The following LRP2 variants were observed in gnomAD, a reference collection of about 807,000 sequenced individuals.
LRP2 encodes the protein low-density lipoprotein receptor-related protein 2.
A neutral mutation model predicts 531.0 loss-of-function variants in LRP2; 172 were observed. That is an observed-to-expected ratio of 0.32 (90% CI 0.29 to 0.37). The LOEUF (loss-of-function observed/expected upper bound fraction) is 0.37. Ranked by LOEUF, LRP2 falls within the 10% of genes least tolerant of loss-of-function variation. LRP2 has a pLI of 1.00. For missense variants in LRP2, 5,167 were observed against 5,868.3 expected (o/e 0.88, Z 3.90); for synonymous variants, 1,992 against 2,027.6 (o/e 0.98, Z 0.47).
intron 46 of LRP2, among the ~76,000 whole-genome samples, chr2:169,196,066 C>T (rs763605649): frequency 3.3e-5 from 5 of 152,098 alleles, no homozygotes; most frequent in Non-Finnish European, 5.9e-5. Flanking sequence ...ATATTATAGT[C>T]ATTAAAAGGC....
intron 1 of LRP2, among the ~76,000 whole-genome samples, chr2:169,343,280 G>T (rs540669603): frequency 6.6e-6 from 1 of 152,232 alleles, no homozygotes; most frequent in African/African-American, 2.4e-5. Flanking sequence ...CTTGGGGGAA[G>T]AAAGGCAGGT....
chr2:169,259,024 C>A lies in LRP2; in HGVS notation c.2513+1G>T. The A allele has an allele frequency of 6.2e-7, 1 of 1,613,076 alleles. No homozygotes were observed. Among genetic ancestry groups the A allele is most frequent in the Non-Finnish European group, 8.5e-7 (1 of 1,179,374 alleles). On this transcript the variant is annotated splice_donor_variant, in intron 17 of 78. Coordinates refer to ENST00000649046, the MANE Select transcript of LRP2 (RefSeq NM_004525.3). LOFTEE classifies it high-confidence loss of function. ...TCTTAGGAAAACATGAACACACTTA[C>A]CCGGCAAAAGGATGAACTACCACCG...
intron 1 of LRP2, among the ~76,000 whole-genome samples, chr2:169,334,476 G>T (rs1215212107): frequency 6.6e-6 from 1 of 152,162 alleles, no homozygotes; most frequent in East Asian, 1.9e-4. Context: ...TCTTGGATGA[G>T]TATGAGTGAG....
At position 169,235,792 on chromosome 2, in the gene LRP2, C is replaced by T. The variant is rs1482267735; in HGVS notation, c.4920+48G>A. 2.9e-6 allele frequency: 4 copies of T among 1,384,708 alleles called. No homozygotes were observed. In the East Asian group the frequency reaches 9.2e-5, roughly 32 times the overall value. 85.8% of individuals were successfully genotyped at this position (1,384,708 alleles called of 1,614,324 possible). ...TTTCTGATACTCGTCTGATTTCTAC[C>T]TATCCACGACTGTAGTTTTAATTTG... On this transcript the variant is annotated intron_variant, in intron 29 of 78. Transcript: ENST00000649046.
chr2:169,299,207 A>G (rs1171983863), intron 4 of LRP2, among the ~76,000 whole-genome samples: 1 of 151,998 alleles, frequency 6.6e-6, no homozygotes, highest in Non-Finnish European at 1.5e-5. Context: ...GCACCTTGGA[A>G]AGAGAAAGAA....
intron 17 of LRP2, among the ~76,000 whole-genome samples, chr2:169,257,793 AAGAT>A (rs922675417): frequency 3.3e-5 from 5 of 150,944 alleles, no homozygotes; most frequent in African/African-American, 1.2e-4. Context: ...GAGTGGGAAA[AAGAT>A]AAGTCTAGAG....
In LRP2 at chr2:169,128,063, T is replaced by C. The variant is rs1685157476; in HGVS notation, c.*600A>G. On this transcript the variant is annotated 3_prime_UTR_variant, in exon 79 of 79. Coordinates refer to ENST00000649046, the MANE Select transcript of LRP2 (RefSeq NM_004525.3). Reference sequence around the variant, plus strand: ...CAACACACAGAAGGGCCAAACTGAATTGCTTTTCCTACCTTCTGTATTATC... The same window carrying C: ...CAACACACAGAAGGGCCAAACTGAACTGCTTTTCCTACCTTCTGTATTATC... 1 of 153,222 alleles carries C rather than the reference T, an allele frequency of 6.5e-6. No homozygotes were observed. The highest frequency in any genetic ancestry group is 2.1e-4 in the South Asian group (1 of 4,860). 9.5% of individuals were successfully genotyped at this position (153,222 alleles called of 1,614,324 possible). A position where few individuals can be genotyped will look rare whatever the true frequency, so the allele number is the denominator to read the frequency against.
intron 6 of LRP2, among the ~76,000 whole-genome samples, chr2:169,293,344 C>T (rs11887007): frequency 2.0e-5 from 3 of 152,052 alleles, no homozygotes; most frequent in Non-Finnish European, 2.9e-5. Context: ...GCAAGGTCAG[C>T]GTGAAGAAGT....
At chr2:169,205,708 A>G in intron 40 of LRP2, 71 bp from the exon 41 acceptor site, 1 of 1,407,698 alleles carries the variant, frequency 7.1e-7, no homozygotes, top group Non-Finnish European at 1.0e-6. Context: ...AAAAAAAAGG[A>G]CAATATTCTT....
intron 37 of LRP2, among the ~76,000 whole-genome samples, chr2:169,209,947 G>A (rs542230879): frequency 2.5e-4 from 38 of 152,082 alleles, no homozygotes; most frequent in South Asian, 6.2e-4. Flanking sequence ...TATACAGGTC[G>A]CCACTTGAAG....
rs1335778609 is a variant in LRP2, at chr2:169,356,313, G to A, written c.79+6008C>T. 2.0e-5 allele frequency among the ~76,000 whole-genome samples: 3 copies of A among 152,182 alleles called. No homozygotes were observed. In the East Asian group the frequency reaches 5.8e-4, roughly 29 times the overall value. ...AAGTTGTGGTAGCCACTGTAAGGAT[G>A]TAACAACATGCACAGGTGCATCATT... On this transcript the variant is annotated intron_variant, in intron 1 of 78. Coordinates refer to ENST00000649046, the MANE Select transcript of LRP2 (RefSeq NM_004525.3).
At chr2:169,258,923 T>C in intron 17 of LRP2, 102 bp downstream of exon 17, 1 of 1,027,864 alleles carries the variant, frequency 9.7e-7, no homozygotes, top group South Asian at 1.3e-5. Context: ...TACAGTTCAA[T>C]CTTATATTTG....
intron 75 of LRP2, among the ~76,000 whole-genome samples, chr2:169,138,175 C>A (rs1685587572): frequency 6.6e-6 from 1 of 152,218 alleles, no homozygotes; most frequent in Non-Finnish European, 1.5e-5. Context: ...TATTTCATCA[C>A]TATACATTGG....
intron 41 of LRP2, among the ~76,000 whole-genome samples, 154 bp from the exon 42 acceptor site, chr2:169,204,425 T>C (rs908645991): frequency 2.6e-5 from 4 of 152,166 alleles, no homozygotes; most frequent in African/African-American, 4.8e-5. Context: ...TTTCTTCTGG[T>C]GATGGGAGGT....
chr2:169,180,165 C>T (rs1317006954), intron 52 of LRP2, among the ~76,000 whole-genome samples: 1 of 152,152 alleles, frequency 6.6e-6, no homozygotes, highest in Non-Finnish European at 1.5e-5. Context: ...ACCCAAAGAA[C>T]AACAAATGTC....
At chr2:169,205,390 A>C in intron 41 of LRP2, 89 bp downstream of exon 41, 1 of 1,424,248 alleles carries the variant, frequency 7.0e-7, no homozygotes. Flanking sequence ...GGCATGCTAT[A>C]TTTTCATCAC....
intron 29 of LRP2, among the ~76,000 whole-genome samples, chr2:169,235,244 T>A (rs13006149): frequency 0.048 from 1,635 of 34,354 alleles, 23 homozygotes; most frequent in African/African-American, 0.22. Flanking sequence ...TTGAAAAAAA[T>A]TTTTTTTTTT....
rs142809369 is a variant in LRP2 at position 169,188,913 on chromosome 2, T to C, written c.9033-648A>G. Among the ~76,000 whole-genome samples the C allele has an allele frequency of 4.7e-3, 714 of 152,312 alleles. 7 individuals carry two copies. The highest frequency in any genetic ancestry group is 0.016 in the African/African-American group (679 of 41,552). On this transcript the variant is annotated intron_variant, in intron 48 of 78. Transcript: ENST00000649046. ...CACTCCTGCCATCTATCATGAGATG[T>C]GAGTCTTCATGGTGATGTGAATAAA...
chr2:169,154,323 T>C (rs951259733), intron 66 of LRP2, 137 bp downstream of exon 66: 3 of 766,944 alleles, frequency 3.9e-6, no homozygotes, highest in Non-Finnish European at 4.5e-6. Flanking sequence ...ATCAGGAGCA[T>C]GCTGGATTGG....
Sources: allele counts gnomAD v4.1 joint callset (sites outside exome capture counted in the v4.1 genomes callset), GRCh38; gene constraint gnomAD v4.1.1; transcripts MANE v1.5; gene names NCBI Gene and HGNC (gene_info 2026-07-23, HGNC 2026-07-21).